Variants in INPP5A observed in about 807,000 individuals in gnomAD.
INPP5A encodes 43 kDa inositol polyphosphate 5-phophatase.
INPP5A carries 14 observed loss-of-function variants against 65.2 expected under a neutral mutation model. The ratio of observed to expected loss-of-function variants is 0.21; its 90% CI spans 0.14 to 0.34. INPP5A has a LOEUF of 0.34. Ranked by LOEUF, INPP5A falls within the 10% of genes least tolerant of loss-of-function variation. INPP5A has a pLI of 1.00. For missense variants in INPP5A, 431 were observed against 545.6 expected, an observed-to-expected ratio of 0.79 and a Z score of 2.09; for synonymous variants, 207 against 208.3, an observed-to-expected ratio of 0.99 and a Z score of 0.05.
At chr10:132,695,655 AG>A (rs2134495746) in intron 5 of INPP5A, among the ~76,000 whole-genome samples, 1 of 152,380 alleles carries the variant, frequency 6.6e-6, no homozygotes, top group South Asian at 2.1e-4. Flanking sequence ...GCAACATTGC[AG>A]GATGCCTAGT....
At chr10:132,624,520 C>T (rs924642852) in intron 2 of INPP5A, among the ~76,000 whole-genome samples, 45 of 142,346 alleles carry the variant, frequency 3.2e-4, no homozygotes, top group Middle Eastern at 3.5e-3. Context: ...GCACTTCCAC[C>T]GGCGTGTCTG....
At chr10:132,601,071 G>C (rs1338233796) in intron 1 of INPP5A, among the ~76,000 whole-genome samples, 1 of 152,174 alleles carries the variant, frequency 6.6e-6, no homozygotes, top group Non-Finnish European at 1.5e-5. Flanking sequence ...TTTCTTCATA[G>C]CGATGGCACC....
At chr10:132,625,860 G>A (rs900587616) in intron 2 of INPP5A, among the ~76,000 whole-genome samples, 1 of 151,546 alleles carries the variant, frequency 6.6e-6, no homozygotes, top group African/African-American at 2.4e-5. Context: ...GTGTGTGTGT[G>A]TGTGTGTGTG....
At chr10:132,662,722 C>T (rs2072752142) in intron 4 of INPP5A, among the ~76,000 whole-genome samples, 1 of 152,284 alleles carries the variant, frequency 6.6e-6, no homozygotes, top group East Asian at 1.9e-4. Flanking sequence ...CTGTCCCTTC[C>T]ACACTGCCCA....
At chr10:132,721,673 T>G (rs4992322) in intron 8 of INPP5A, among the ~76,000 whole-genome samples, 4 of 144,874 alleles carry the variant, frequency 2.8e-5, no homozygotes, top group Admixed American at 1.4e-4. Flanking sequence ...CTGGGCACCT[T>G]AGACAGCTGT....
chr10:132,630,893 G>A (rs1257113382), intron 2 of INPP5A, among the ~76,000 whole-genome samples: 1 of 152,198 alleles, frequency 6.6e-6, no homozygotes, highest in Non-Finnish European at 1.5e-5. Context: ...AGAGCCCTGC[G>A]TTTCCACCTC....
rs1204550746 is a variant in INPP5A at position 132,650,898 on chromosome 10, C to G, written c.306+393C>G. The stretch of plus-strand genomic sequence containing the variant: ...CACCGTCGCCAGCCCTGCTCCCATG[C>G]TGGGTCCGTCCCTTCCTGATCCCTG... On this transcript the variant is annotated intron_variant, in intron 4 of 15. Transcript: ENST00000368594. This position sits in a 1 kb window ranked among gnomAD's most constrained non-coding sequence, Gnocchi z 5.5. Among the ~76,000 whole-genome samples the G allele has an allele frequency of 6.6e-6, 1 of 152,234 alleles. No homozygotes were observed. The highest frequency in any genetic ancestry group is 2.4e-5 in the African/African-American group (1 of 41,462).
intron 9 of INPP5A, among the ~76,000 whole-genome samples, chr10:132,744,070 G>A (rs1168152637): frequency 6.6e-6 from 1 of 152,266 alleles, no homozygotes; most frequent in Non-Finnish European, 1.5e-5. Context: ...CAGAGGTGGA[G>A]GAGTGGCCGG....
intron 8 of INPP5A, among the ~76,000 whole-genome samples, chr10:132,719,461 C>T (rs563448733): frequency 7.2e-6 from 1 of 139,450 alleles, no homozygotes; most frequent in Non-Finnish European, 1.5e-5. Context: ...TCTGTCTGGG[C>T]ACCTTAGACG....
At chr10:132,710,282 TG>T (rs1443979811) in intron 7 of INPP5A, 54 bp from the exon 8 acceptor site, 40 of 1,590,210 alleles carry the variant, frequency 2.5e-5, no homozygotes, top group Non-Finnish European at 3.4e-5. Flanking sequence ...GAGAACGAAG[TG>T]TGACCCGGAG....
At chr10:132,692,753 G>A (rs937367005) in intron 5 of INPP5A, among the ~76,000 whole-genome samples, 1 of 152,220 alleles carries the variant, frequency 6.6e-6, no homozygotes, top group Admixed American at 6.5e-5. Flanking sequence ...AAAAATTGAA[G>A]TAATTTGTTG....
chr10:132,750,647 G>A (rs1846459118), intron 11 of INPP5A, among the ~76,000 whole-genome samples: 1 of 152,264 alleles, frequency 6.6e-6, no homozygotes, highest in South Asian at 2.1e-4. Flanking sequence ...GCAGCTGGCT[G>A]GGCCCCATAT....
In INPP5A at chr10:132,707,188, G is replaced by C. The variant is rs570914257; in HGVS notation, c.475-1125G>C. ...CCTTAGGGTGTGGTGGAGGAGACAGGGTCTTCCCTGTCCTGCTTTCCTTCT... is the reference window on the plus strand; with the variant it reads ...CCTTAGGGTGTGGTGGAGGAGACAGCGTCTTCCCTGTCCTGCTTTCCTTCT... On this transcript the variant is annotated intron_variant, in intron 6 of 15. Coordinates refer to ENST00000368594, the MANE Select transcript of INPP5A (RefSeq NM_005539.5). This position sits in a 1 kb window ranked among gnomAD's most constrained non-coding sequence, Gnocchi z 5.5. Among the ~76,000 whole-genome samples, 1 of 152,296 alleles carries C rather than the reference G, an allele frequency of 6.6e-6. No homozygotes were observed. The highest frequency in any genetic ancestry group is 2.4e-5 in the African/African-American group (1 of 41,562).
chr10:132,697,902 C>T lies in INPP5A; in HGVS notation c.457C>T (p.Gln153Ter). The T allele has an allele frequency of 6.2e-7, 1 of 1,610,928 alleles. No individual in the cohort carries two copies. Among genetic ancestry groups the T allele is most frequent in the Non-Finnish European group, 8.5e-7 (1 of 1,177,200 alleles). The change falls in exon 6 of 16, where the codon CAG becomes TAG. Residue 153 changes from glutamine (Q) to a stop codon, truncating the protein, a stop_gained. Coordinates refer to ENST00000368594, the MANE Select transcript of INPP5A (RefSeq NM_005539.5). LOFTEE classifies it high-confidence loss of function. The surrounding 1 kb of genome is among the most constrained non-coding windows in gnomAD (Gnocchi z 5.6). ...TPMLEKEKFP[Q>*]DYFPECKWSR... ...CATGCTGGAGAAGGAGAAGTTTCCGCAGGACTACTTCCCCGAGGTACGTAG... is the reference window on the plus strand; with the variant it reads ...CATGCTGGAGAAGGAGAAGTTTCCGTAGGACTACTTCCCCGAGGTACGTAG...
At chr10:132,613,505 T>C (rs2071987185) in intron 2 of INPP5A, among the ~76,000 whole-genome samples, 1 of 152,266 alleles carries the variant, frequency 6.6e-6, no homozygotes, top group African/African-American at 2.4e-5. Flanking sequence ...CTCTGTGCAG[T>C]GTGTCATTTT....
chr10:132,589,552 G>A (rs1294982891), intron 1 of INPP5A, among the ~76,000 whole-genome samples: 2 of 152,222 alleles, frequency 1.3e-5, no homozygotes, highest in Non-Finnish European at 2.9e-5. Flanking sequence ...CTGTTGGGAC[G>A]GAGTCCTGCC....
chr10:132,695,748 T>C (rs1845335016), intron 5 of INPP5A, among the ~76,000 whole-genome samples: 1 of 152,216 alleles, frequency 6.6e-6, no homozygotes, highest in African/African-American at 2.4e-5. Context: ...TACCATTTGC[T>C]TAAGCACACA....
chr10:132,542,189 C>T (rs988880188), intron 1 of INPP5A, among the ~76,000 whole-genome samples: 7 of 152,230 alleles, frequency 4.6e-5, no homozygotes, highest in African/African-American at 7.2e-5. Flanking sequence ...GCTGCTTGTT[C>T]GCAGCTAAGT....
chr10:132,742,274 TGCAGCCCCGACCTGGGCCAGCACGC>T (rs1846288752), intron 9 of INPP5A, among the ~76,000 whole-genome samples: 1 of 152,216 alleles, frequency 6.6e-6, no homozygotes, highest in African/African-American at 2.4e-5. Context: ...TTCCCCTTGA[TGCAGCCCCGACCTGGGCCAGCACGC>T]GCAGCCCCGC....
Sources: allele counts gnomAD v4.1 joint callset (sites outside exome capture counted in the v4.1 genomes callset), GRCh38; gene constraint gnomAD v4.1.1; non-coding constraint Gnocchi (gnomAD v3.1); transcripts MANE v1.5; gene names NCBI Gene and HGNC (gene_info 2026-07-23, HGNC 2026-07-21).